Variants in NCBP3 observed in about 807,000 individuals in gnomAD.
NCBP3 encodes the protein nuclear cap-binding protein subunit 3.
Under a neutral mutation model 75.7 loss-of-function variants are expected in NCBP3, and 20 were observed. The observed-to-expected ratio is 0.26, with a 90% CI of 0.19 to 0.38. The LOEUF is 0.38. Ranked by LOEUF, NCBP3 falls within the 10% of genes least tolerant of loss-of-function variation. The probability of loss-of-function intolerance (pLI) is 1.00; values close to 1 mark genes in which losing one functional copy is unlikely to be tolerated. For missense variants in NCBP3, 678 were observed against 796.9 expected, an observed-to-expected ratio of 0.85 and a Z score of 1.80; for synonymous variants, 293 against 290.5, an observed-to-expected ratio of 1.01 and a Z score of -0.09.
intron 2 of NCBP3, among the ~76,000 whole-genome samples, chr17:3,842,811 A>G (rs992766559): frequency 6.6e-6 from 1 of 152,034 alleles, no homozygotes; most frequent in African/African-American, 2.4e-5. Flanking sequence ...ACACCCGACT[A>G]ATTTTTGTAT....
chr17:3,830,905 CT>C lies in NCBP3; in HGVS notation c.356-1538del, dbSNP rs1274184194. Among the ~76,000 whole-genome samples the C allele has an allele frequency of 5.8e-3, 824 of 141,732 alleles. 7 individuals carry two copies. Among genetic ancestry groups the C allele is most frequent in the African/African-American group, 0.017 (663 of 38,752 alleles). The allele number at this position is 141,732 out of a possible 152,430, so 93.0% of individuals were successfully genotyped here. Reference sequence around the variant, plus strand: ...GCCAATTGCGTACTTTTTTAACTACCTTTTTTTTTTTTTCTTTTTTTTTGAG... The same window carrying C: ...GCCAATTGCGTACTTTTTTAACTACCTTTTTTTTTTTTCTTTTTTTTTGAG... On this transcript the variant is annotated intron_variant, in intron 3 of 12. Transcript: ENST00000389005.
chr17:3,841,844 A>AC (rs1428735210), intron 2 of NCBP3, among the ~76,000 whole-genome samples: 7 of 151,472 alleles, frequency 4.6e-5, no homozygotes, highest in Admixed American at 3.3e-4. Flanking sequence ...AAAAAAAAAA[A>AC]AAAACACTAT....
chr17:3,826,021 G>C (rs1758704895), intron 5 of NCBP3, 66 bp downstream of exon 5: 1 of 1,514,136 alleles, frequency 6.6e-7, no homozygotes, highest in Non-Finnish European at 8.9e-7. Context: ...ATAGAGCTCT[G>C]CTCAGAAACA....
chr17:3,830,838 C>G (rs2053864582), intron 3 of NCBP3, among the ~76,000 whole-genome samples: 1 of 152,070 alleles, frequency 6.6e-6, no homozygotes, highest in African/African-American at 2.4e-5. Flanking sequence ...CCGCCTTGGC[C>G]TCCTAAAGTG....
At chr17:3,838,435 C>T (rs1173774715) in intron 3 of NCBP3, among the ~76,000 whole-genome samples, 1 of 152,208 alleles carries the variant, frequency 6.6e-6, no homozygotes, top group Non-Finnish European at 1.5e-5. Flanking sequence ...CCACACCTGG[C>T]CTTCACAGGA....
At chr17:3,845,504 CG>C (rs113119471) in intron 1 of NCBP3, among the ~76,000 whole-genome samples, 5 of 151,666 alleles carry the variant, frequency 3.3e-5, no homozygotes, top group Admixed American at 1.3e-4. Flanking sequence ...ACTGGAGCTG[CG>C]GGGGGGGCAA....
chr17:3,844,840 A>C (rs1315942387), intron 1 of NCBP3, among the ~76,000 whole-genome samples: 1 of 152,240 alleles, frequency 6.6e-6, no homozygotes, highest in Non-Finnish European at 1.5e-5. Context: ...AGGCTGAGGC[A>C]GGAGAATGGC....
At chr17:3,844,704 G>C (rs1161091587) in intron 1 of NCBP3, among the ~76,000 whole-genome samples, 1 of 152,188 alleles carries the variant, frequency 6.6e-6, no homozygotes, top group African/African-American at 2.4e-5. Flanking sequence ...TACAAAATTA[G>C]CCGGGCACGG....
At chr17:3,828,864 C>T (rs1315823357) in intron 4 of NCBP3, among the ~76,000 whole-genome samples, 1 of 152,140 alleles carries the variant, frequency 6.6e-6, no homozygotes, top group East Asian at 1.9e-4. Context: ...AGTAACAGTA[C>T]AGAAGGCAGT....
rs2053365256 is a variant in NCBP3 at position 3,808,853 on chromosome 17, T to C, written c.*4191A>G. ...CATGCGATCAGGAGTGTGGAATTTATTCTCGGGGCAATAGTGAAGCTTTGG... is the reference window on the plus strand; with the variant it reads ...CATGCGATCAGGAGTGTGGAATTTACTCTCGGGGCAATAGTGAAGCTTTGG... On this transcript the variant is annotated 3_prime_UTR_variant, in exon 13 of 13. Coordinates refer to ENST00000389005, the MANE Select transcript of NCBP3 (RefSeq NM_001114118.3). 1 of 152,160 alleles carries C rather than the reference T, an allele frequency of 6.6e-6. No homozygotes were observed. Among genetic ancestry groups the C allele is most frequent in the African/African-American group, 2.4e-5 (1 of 41,432 alleles). The allele number at this position is 152,160 out of a possible 1,614,324, so 9.4% of individuals were successfully genotyped here. A position where few individuals can be genotyped will look rare whatever the true frequency, so the allele number is the denominator to read the frequency against.
At chr17:3,814,829 A>G (rs1298348590) in intron 11 of NCBP3, among the ~76,000 whole-genome samples, 1 of 152,188 alleles carries the variant, frequency 6.6e-6, no homozygotes, top group Non-Finnish European at 1.5e-5. Flanking sequence ...TGGAAGGCAC[A>G]ATCTTTGAAC....
Position 3,821,254 on chromosome 17 carries a change from T to G in NCBP3, c.995A>C (p.His332Pro). ...AGAGCTGAGCAGGCAACTACCAGAATGTCGATGTTTATACGACGTCAAGCC... is the reference window on the plus strand; with the variant it reads ...AGAGCTGAGCAGGCAACTACCAGAAGGTCGATGTTTATACGACGTCAAGCC... ...DVGLTSYKHR[H>P]SGLVNVPEEP... Residue 332 changes from histidine to proline, a missense_variant, in exon 9 of 13, where the codon CAT (histidine) becomes CCT (proline). By Grantham distance (77) the His-to-Pro change is moderately conservative. Coordinates refer to ENST00000389005, the MANE Select transcript of NCBP3 (RefSeq NM_001114118.3). The G allele has an allele frequency of 6.2e-7, 1 of 1,612,324 alleles. No homozygotes were observed.
chr17:3,823,894 G>A (rs2053720072), intron 7 of NCBP3: 1 of 152,112 alleles, frequency 6.6e-6, no homozygotes, highest in South Asian at 2.1e-4. Context: ...TCGCTTCTGT[G>A]GCACGCCTGT....
chr17:3,834,636 G>T (rs58534230), intron 3 of NCBP3, among the ~76,000 whole-genome samples: 1 of 152,028 alleles, frequency 6.6e-6, no homozygotes, highest in Non-Finnish European at 1.5e-5. Flanking sequence ...TTAGCCAGGC[G>T]TTGTGGCTCA....
chr17:3,819,336 T>A (rs1597396531), intron 9 of NCBP3, among the ~76,000 whole-genome samples: 1 of 152,112 alleles, frequency 6.6e-6, no homozygotes. Flanking sequence ...GGTGGGCAGA[T>A]CACGAGGTCA....
rs548425297 is a variant in NCBP3 at position 3,844,261 on chromosome 17, C to T, written c.184-1110G>A. ...CCTCAGCTCTGACAGTCACTAATTACAGGACACTGTATAGTTTTCTTGACC... is the reference window on the plus strand; with the variant it reads ...CCTCAGCTCTGACAGTCACTAATTATAGGACACTGTATAGTTTTCTTGACC... On this transcript the variant is annotated intron_variant, in intron 1 of 12. Transcript: ENST00000389005. Among the ~76,000 whole-genome samples, 15 of 152,314 alleles carry T rather than the reference C, an allele frequency of 9.8e-5. No homozygotes were observed. The South Asian group carries it at 1.2e-3, about 13-fold the overall frequency.
chr17:3,819,952 GTAT>G (rs945074545), intron 9 of NCBP3, among the ~76,000 whole-genome samples: 1 of 151,974 alleles, frequency 6.6e-6, no homozygotes, highest in Non-Finnish European at 1.5e-5. Context: ...TAAAGTATGT[GTAT>G]TATTATTATT....
chr17:3,834,426 T>A (rs2053940039), intron 3 of NCBP3, among the ~76,000 whole-genome samples: 1 of 152,206 alleles, frequency 6.6e-6, no homozygotes, highest in Non-Finnish European at 1.5e-5. Flanking sequence ...ATGAACTGTT[T>A]GTAAAAGAGC....
rs1276445064 is a variant in NCBP3 at position 3,846,231 on chromosome 17, T to C, written c.-8A>G. 1 of 1,421,560 alleles carries C rather than the reference T, an allele frequency of 7.0e-7. No homozygotes were observed. 88.1% of individuals were successfully genotyped at this position (1,421,560 alleles called of 1,614,324 possible). A position where few individuals can be genotyped will look rare whatever the true frequency, so the allele number is the denominator to read the frequency against. On this transcript the variant is annotated 5_prime_UTR_variant, in exon 1 of 13. Transcript: ENST00000389005. This position sits in a 1 kb window ranked among gnomAD's most constrained non-coding sequence, Gnocchi z 4.6. ...GCCCCGTACGGCCGCCATCGCTGCC[T>C]GCCGGCCGCACCACTGAGAGCCCGC...
Sources: gnomAD v4.1 joint callset for allele counts (sites outside exome capture counted in the v4.1 genomes callset) on GRCh38, gnomAD v4.1.1 for gene constraint, Gnocchi (gnomAD v3.1) non-coding constraint, MANE v1.5 for transcripts, NCBI Gene and HGNC (gene_info 2026-07-23, HGNC 2026-07-21) for gene names.